GLI3: variants seen among roughly 807,000 people sequenced by gnomAD.
GLI3 encodes GLI family zinc finger 3, also known as transcription activator GLI3.
Under a neutral mutation model 100.8 loss-of-function variants are expected in GLI3, and 20 were observed. The ratio of observed to expected loss-of-function variants is 0.20; its 90% confidence interval spans 0.14 to 0.29. GLI3 has a LOEUF of 0.29. GLI3 is among the 10% of genes least tolerant of loss of function. GLI3 has a pLI of 1.00. For synonymous variants in GLI3, 938 were observed against 860.5 expected (o/e 1.09, Z -1.58); for missense variants, 2,040 against 2,128.5 (o/e 0.96, Z 0.82).
intron 6 of GLI3, among the ~76,000 whole-genome samples, chr7:42,041,484 T>A (rs763741799): frequency 5.3e-4 from 81 of 152,340 alleles, no homozygotes; most frequent in Non-Finnish European, 9.8e-4. Flanking sequence ...AATGAACGAA[T>A]GAGAACATAA....
intron 14 of GLI3, 39 bp downstream of exon 14, chr7:41,967,557 A>C: frequency 6.9e-7 from 1 of 1,459,598 alleles, no homozygotes; most frequent in Non-Finnish European, 9.5e-7. Flanking sequence ...AACAGAAAAA[A>C]AAACCCTGAG....
chr7:42,102,194 T>C (rs1785479456), intron 3 of GLI3, among the ~76,000 whole-genome samples: 1 of 152,284 alleles, frequency 6.6e-6, no homozygotes, highest in East Asian at 1.9e-4. Flanking sequence ...CCTTTGGGTA[T>C]ATACCCAGTA....
chr7:42,191,881 T>C (rs528640527), intron 2 of GLI3, among the ~76,000 whole-genome samples: 1 of 152,170 alleles, frequency 6.6e-6, no homozygotes, highest in African/African-American at 2.4e-5. Flanking sequence ...TCTGGCAGTG[T>C]GAATGCAGAG....
rs754711541 is a variant in GLI3, at chr7:41,966,751, T to C, written c.2432-110A>G. ...TAAAGGGCCAGCTAGGAACTATTTCTGGTGTCCCAGGCCACATTGCCTGCC... is the reference window on the plus strand; with the variant it reads ...TAAAGGGCCAGCTAGGAACTATTTCCGGTGTCCCAGGCCACATTGCCTGCC... On this transcript the variant is annotated intron_variant, in intron 14 of 14. Transcript: ENST00000395925. This position sits in a 1 kb window ranked among gnomAD's most constrained non-coding sequence, Gnocchi z 5.8. 2.7e-6 allele frequency: 3 copies of C among 1,121,394 alleles called. No homozygotes were observed. The highest frequency in any genetic ancestry group is 4.0e-6 in the Non-Finnish European group (3 of 752,954). 69.5% of individuals were successfully genotyped at this position (1,121,394 alleles called of 1,614,324 possible).
intron 2 of GLI3, chr7:42,172,602 T>A (rs1458333917): frequency 5.7e-6 from 4 of 702,858 alleles, no homozygotes; most frequent in Non-Finnish European, 1.0e-5. Flanking sequence ...TGTGGCTGAG[T>A]CGTTTGTGCA....
intron 2 of GLI3, chr7:42,150,237 T>C (rs2128788044): frequency 6.6e-6 from 1 of 152,364 alleles, no homozygotes; most frequent in African/African-American, 2.4e-5. Context: ...ATGTTCACAT[T>C]GATCTCTATG....
At chr7:42,032,906 C>A (rs846333) in intron 7 of GLI3, among the ~76,000 whole-genome samples, 94,130 of 152,028 alleles carry the variant, frequency 0.62, 30,822 homozygotes, top group African/African-American at 0.85. Context: ...CCTTCCCTAA[C>A]ATAACAGCTT....
At chr7:42,237,529 C>A (rs1002991977), upstream of GLI3, among the ~76,000 whole-genome samples, 14 of 151,848 alleles carry the variant, frequency 9.2e-5, no homozygotes, top group Admixed American at 3.3e-4. Flanking sequence ...CGGCTCCGCG[C>A]TCCCCTCCCG....
chr7:42,050,412 T>G (rs1480369620), intron 4 of GLI3, among the ~76,000 whole-genome samples: 1 of 152,246 alleles, frequency 6.6e-6, no homozygotes, highest in African/African-American at 2.4e-5. Flanking sequence ...AGCTCTTTAC[T>G]ACAAAACAAG....
At chr7:42,137,486 C>T (rs1363949950) in intron 3 of GLI3, among the ~76,000 whole-genome samples, 3 of 152,142 alleles carry the variant, frequency 2.0e-5, no homozygotes, top group East Asian at 3.9e-4. Flanking sequence ...CAGTAGAATG[C>T]TCTCCCTCAG....
At chr7:42,011,766 G>T (rs1291745444) in intron 10 of GLI3, among the ~76,000 whole-genome samples, 1 of 152,172 alleles carries the variant, frequency 6.6e-6, no homozygotes, top group Non-Finnish European at 1.5e-5. Context: ...CGGGGAGGGG[G>T]AATGGGAGGT....
intron 3 of GLI3, among the ~76,000 whole-genome samples, chr7:42,079,337 T>C (rs1271696304): frequency 6.6e-6 from 1 of 152,162 alleles, no homozygotes; most frequent in Non-Finnish European, 1.5e-5. Context: ...AAAAATTAAG[T>C]GGGGTCATCT....
intron 2 of GLI3, among the ~76,000 whole-genome samples, chr7:42,214,916 T>A (rs1042981828): frequency 3.3e-5 from 5 of 151,594 alleles, no homozygotes; most frequent in African/African-American, 1.2e-4. Flanking sequence ...GTTGTAGATT[T>A]CTGAACAGTT....
At chr7:41,976,312 A>T (rs1368013338) in intron 12 of GLI3, among the ~76,000 whole-genome samples, 1 of 152,206 alleles carries the variant, frequency 6.6e-6, no homozygotes, top group East Asian at 1.9e-4. Context: ...GAATAACTCC[A>T]GTTTCCATGA....
chr7:42,135,270 A>T (rs1314614064), intron 3 of GLI3, among the ~76,000 whole-genome samples: 1 of 152,190 alleles, frequency 6.6e-6, no homozygotes, highest in Non-Finnish European at 1.5e-5. Flanking sequence ...TGACTTCTCT[A>T]AAAGCCTTGT....
At chr7:42,024,072 C>G (rs931927487) in intron 9 of GLI3, among the ~76,000 whole-genome samples, 1 of 152,136 alleles carries the variant, frequency 6.6e-6, no homozygotes, top group African/African-American at 2.4e-5. Flanking sequence ...ATTTTGTAAT[C>G]CAGGGAAATG....
chr7:42,099,204 C>T (rs900032260), intron 3 of GLI3, among the ~76,000 whole-genome samples: 13 of 152,188 alleles, frequency 8.5e-5, no homozygotes, highest in Admixed American at 5.9e-4. Flanking sequence ...AGTAACTTGA[C>T]ATGTTTGATC....
chr7:42,160,582 GT>G (rs1406438322), intron 2 of GLI3, among the ~76,000 whole-genome samples: 1 of 152,178 alleles, frequency 6.6e-6, no homozygotes, highest in Non-Finnish European at 1.5e-5. Context: ...TGCTCCCAAA[GT>G]TTCAGATTTG....
chr7:42,201,523 G>C (rs1187240050), intron 2 of GLI3, among the ~76,000 whole-genome samples: 1 of 152,166 alleles, frequency 6.6e-6, no homozygotes, highest in African/African-American at 2.4e-5. Context: ...GAAACCAGAA[G>C]TCACTTTGGG....
Sources: gnomAD v4.1 joint callset for allele counts (sites outside exome capture counted in the v4.1 genomes callset) on GRCh38, gnomAD v4.1.1 for gene constraint, Gnocchi (gnomAD v3.1) non-coding constraint, MANE v1.5 for transcripts, NCBI Gene and HGNC (gene_info 2026-07-23, HGNC 2026-07-21) for gene names.